The following GOLM2 variants were observed in gnomAD, a reference collection of about 807,000 sequenced individuals.
GOLM2 encodes the protein golgi membrane protein 2, also known as protein GOLM2.
Under a neutral mutation model 55.9 loss-of-function variants are expected in GOLM2, and 26 were observed. The observed-to-expected ratio is 0.47, with a 90% CI of 0.34 to 0.65. The LOEUF is 0.65. Among genes scored for constraint, GOLM2 ranks in the 30% least tolerant of loss-of-function variants. The probability of loss-of-function intolerance (pLI) is 0.01; values close to 1 mark genes in which losing one functional copy is unlikely to be tolerated. For synonymous variants in GOLM2, 165 were observed against 194.6 expected, an observed-to-expected ratio of 0.85 and a Z score of 1.27; for missense variants, 486 against 531.8, an observed-to-expected ratio of 0.91 and a Z score of 0.85.
intron 6 of GOLM2, among the ~76,000 whole-genome samples, chr15:44,362,831 A>G (rs184661818): frequency 0.069 from 10,342 of 150,960 alleles, 631 homozygotes; most frequent in East Asian, 0.2. Context: ...CATGGTACTG[A>G]TACCAAAACA....
At chr15:44,321,900 T>C (rs1474782839) in intron 1 of GOLM2, among the ~76,000 whole-genome samples, 2 of 150,858 alleles carry the variant, frequency 1.3e-5, no homozygotes, top group Non-Finnish European at 2.9e-5. Flanking sequence ...AAAAAATATA[T>C]TTTTAAAAAT....
At chr15:44,343,697 C>T (rs1658613629) in intron 6 of GOLM2, among the ~76,000 whole-genome samples, 1 of 151,214 alleles carries the variant, frequency 6.6e-6, no homozygotes, top group African/African-American at 2.4e-5. Flanking sequence ...TGGTGGCACA[C>T]ACCTGTAATT....
chr15:44,407,204 AT>A (rs951663950), intron 9 of GOLM2, among the ~76,000 whole-genome samples: 11 of 146,454 alleles, frequency 7.5e-5, no homozygotes, highest in Admixed American at 2.1e-4. Flanking sequence ...ATATATTTAT[AT>A]TTATATTATA....
intron 1 of GOLM2, among the ~76,000 whole-genome samples, chr15:44,317,725 A>G (rs2078920752): frequency 6.6e-6 from 1 of 152,162 alleles, no homozygotes; most frequent in African/African-American, 2.4e-5. Context: ...CTTCTTGGAT[A>G]TGTCACAGAT....
At position 44,413,351 on chromosome 15, in the gene GOLM2, A is replaced by G. The variant is rs2079651096; in HGVS notation, c.1256A>G (p.Glu419Gly). ...EEDVQDDEERELQMDPADYGK... is the reference protein window; with the variant it reads ...EEDVQDDEERGLQMDPADYGK... ...TTACTTACAGATGATGAAGAACGAG[A>G]GCTTCAAATGGATCCTGCAGACTAT... Residue 419 changes from glutamate (E) to glycine (G), a missense_variant, in exon 10 of 10, where the codon GAG becomes GGG. Coordinates refer to ENST00000299957, the MANE Select transcript of GOLM2 (RefSeq NM_138423.4). 6.2e-7 allele frequency: 1 copy of G among 1,610,498 alleles called. No individual in the cohort carries two copies.
intron 6 of GOLM2, among the ~76,000 whole-genome samples, chr15:44,369,941 G>T (rs903004223): frequency 6.6e-6 from 1 of 152,138 alleles, no homozygotes; most frequent in African/African-American, 2.4e-5. Context: ...ACATTAGGTT[G>T]TCTGCGAGCT....
At chr15:44,329,652 CT>C (rs2141137719) in intron 3 of GOLM2, among the ~76,000 whole-genome samples, 1 of 152,194 alleles carries the variant, frequency 6.6e-6, no homozygotes, top group South Asian at 2.1e-4. Context: ...AATCCTAACA[CT>C]TTGGGAGGCT....
intron 6 of GOLM2, among the ~76,000 whole-genome samples, chr15:44,342,972 A>T (rs1222309269): frequency 6.6e-6 from 1 of 152,206 alleles, no homozygotes; most frequent in Non-Finnish European, 1.5e-5. Context: ...GCCTGACAGG[A>T]ATGTTGTGAA....
intron 1 of GOLM2, among the ~76,000 whole-genome samples, chr15:44,319,326 C>T (rs2078933570): frequency 6.6e-6 from 1 of 152,160 alleles, no homozygotes; most frequent in Non-Finnish European, 1.5e-5. Flanking sequence ...GATCTTCCCA[C>T]CTCAGCCTCC....
chr15:44,336,353 G>A (rs141631562), intron 4 of GOLM2, among the ~76,000 whole-genome samples: 8,265 of 144,764 alleles, frequency 0.057, 333 homozygotes, highest in Non-Finnish European at 0.084. Flanking sequence ...TCCTGACCTC[G>A]TGATCCGCCC....
intron 6 of GOLM2, among the ~76,000 whole-genome samples, chr15:44,371,825 A>G (rs1438309678): frequency 6.6e-6 from 1 of 152,174 alleles, no homozygotes; most frequent in Non-Finnish European, 1.5e-5. Flanking sequence ...AAATTGTAAA[A>G]CTAATCAGAT....
rs745413201 is a variant in GOLM2 at position 44,302,857 on chromosome 15, C to T, written c.327+13501C>T. On this transcript the variant is annotated intron_variant, in intron 1 of 9. Coordinates refer to ENST00000299957, the MANE Select transcript of GOLM2 (RefSeq NM_138423.4). ...CAGTGGCTTACACCTGTAATCCCAGCGCTTTAGGAAGCTGAGGTGGGCGTA... is the reference window on the plus strand; with the variant it reads ...CAGTGGCTTACACCTGTAATCCCAGTGCTTTAGGAAGCTGAGGTGGGCGTA... Among the ~76,000 whole-genome samples, 5 of 152,192 alleles carry T rather than the reference C, an allele frequency of 3.3e-5. No homozygotes were observed. The East Asian group carries it at 5.8e-4, about 18-fold the overall frequency.
intron 6 of GOLM2, among the ~76,000 whole-genome samples, chr15:44,377,042 C>T (rs898027031): frequency 4.6e-5 from 7 of 152,074 alleles, no homozygotes; most frequent in Non-Finnish European, 7.4e-5. Flanking sequence ...AAAGTCTATC[C>T]ACCAACTAGT....
intron 1 of GOLM2, among the ~76,000 whole-genome samples, chr15:44,319,258 G>A (rs1045178776): frequency 3.3e-5 from 5 of 152,132 alleles, no homozygotes; most frequent in Non-Finnish European, 2.9e-5. Context: ...CCGTTGCCCA[G>A]ACTGAAGTGC....
chr15:44,290,473 T>C lies in GOLM2; in HGVS notation c.327+1117T>C, dbSNP rs953179022. Among the ~76,000 whole-genome samples, 6 of 152,350 alleles carry C rather than the reference T, an allele frequency of 3.9e-5. No individual in the cohort carries two copies. In the South Asian group the frequency reaches 1.2e-3, roughly 32 times the overall value. On this transcript the variant is annotated intron_variant, in intron 1 of 9. Transcript: ENST00000299957. ...GTTGACAGCCTCTACCTGGCTTTCTTATTTCATGAAGATTAAGGCCCTCAG... is the reference window on the plus strand; with the variant it reads ...GTTGACAGCCTCTACCTGGCTTTCTCATTTCATGAAGATTAAGGCCCTCAG...
intron 9 of GOLM2, chr15:44,405,469 T>G (rs2079591307): frequency 6.6e-6 from 1 of 152,192 alleles, no homozygotes; most frequent in African/African-American, 2.4e-5. Context: ...AGGGATAAGT[T>G]TGGGTGAACT....
intron 6 of GOLM2, among the ~76,000 whole-genome samples, chr15:44,340,254 T>C (rs151051542): frequency 6.6e-6 from 1 of 151,664 alleles, no homozygotes; most frequent in Non-Finnish European, 1.5e-5. Flanking sequence ...CCAAAAAATA[T>C]AGAGAGAGAG....
At chr15:44,324,462 T>C (rs550621314) in intron 2 of GOLM2, among the ~76,000 whole-genome samples, 3 of 152,148 alleles carry the variant, frequency 2.0e-5, no homozygotes, top group Non-Finnish European at 2.9e-5. Flanking sequence ...AAATTGAAAT[T>C]CAATAATGTG....
intron 6 of GOLM2, among the ~76,000 whole-genome samples, chr15:44,365,212 A>G (rs1293555164): frequency 1.3e-5 from 2 of 152,194 alleles, no homozygotes; most frequent in Non-Finnish European, 2.9e-5. Flanking sequence ...CTGAAAGGAA[A>G]TGAGATATTA....
Sources: gnomAD v4.1 joint callset for allele counts (sites outside exome capture counted in the v4.1 genomes callset) on GRCh38, gnomAD v4.1.1 for gene constraint, MANE v1.5 for transcripts, NCBI Gene and HGNC (gene_info 2026-07-23, HGNC 2026-07-21) for gene names.